Variants in GMDS observed in about 807,000 individuals in gnomAD.
GMDS encodes GDP-mannose 4,6-dehydratase.
GMDS carries 20 observed loss-of-function variants against 49.9 expected under a neutral mutation model. The ratio of observed to expected loss-of-function variants is 0.40; its 90% CI spans 0.28 to 0.58. The LOEUF is 0.58. Ranked by LOEUF, GMDS falls within the 20% of genes least tolerant of loss-of-function variation. The pLI, the probability that GMDS is intolerant of heterozygous loss-of-function variation, is 0.42. For missense variants in GMDS, 362 were observed against 481.4 expected, an observed-to-expected ratio of 0.75 and a Z score of 2.32; for synonymous variants, 177 against 178.6, an observed-to-expected ratio of 0.99 and a Z score of 0.07.
chr6:2,061,651 G>A (rs1055829810), intron 4 of GMDS, among the ~76,000 whole-genome samples: 16 of 149,160 alleles, frequency 1.1e-4, no homozygotes, highest in African/African-American at 1.7e-4. Context: ...CCTCGGAGAC[G>A]GAGGTTGCAG....
At chr6:1,897,584 A>G (rs1760267406) in intron 7 of GMDS, among the ~76,000 whole-genome samples, 1 of 152,184 alleles carries the variant, frequency 6.6e-6, no homozygotes, top group Non-Finnish European at 1.5e-5. Context: ...AATCTGAAGA[A>G]ACAAAGTTTG....
intron 6 of GMDS, among the ~76,000 whole-genome samples, chr6:1,943,096 C>T (rs1400531287): frequency 1.3e-5 from 2 of 152,322 alleles, no homozygotes; most frequent in East Asian, 1.9e-4. Context: ...TCACCGGCCC[C>T]GTCCCCAGCA....
intron 4 of GMDS, among the ~76,000 whole-genome samples, chr6:2,112,901 CCT>C (rs1208863162): frequency 6.6e-6 from 1 of 152,038 alleles, no homozygotes; most frequent in Non-Finnish European, 1.5e-5. Flanking sequence ...CTCATCCCAC[CCT>C]CTCACTATCA....
rs1434657503 is a variant in GMDS at position 2,191,878 on chromosome 6, G to A, written c.102+53443C>T. On this transcript the variant is annotated intron_variant, in intron 1 of 10. Coordinates refer to ENST00000380815, the MANE Select transcript of GMDS (RefSeq NM_001500.4). This position sits in a 1 kb window ranked among gnomAD's most constrained non-coding sequence, Gnocchi z 4.6. The stretch of plus-strand genomic sequence containing the variant: ...CCTTCAGGCCAGGGAGGGCATGAAG[G>A]CTGGGAGCCAGGCCACCAGTCCCAC... Among the ~76,000 whole-genome samples, 6 of 152,204 alleles carry A rather than the reference G, an allele frequency of 3.9e-5. No homozygotes were observed. Among genetic ancestry groups the A allele is most frequent in the Non-Finnish European group, 8.8e-5 (6 of 68,032 alleles).
At chr6:1,780,371 C>T (rs1769028785) in intron 7 of GMDS, among the ~76,000 whole-genome samples, 3 of 152,188 alleles carry the variant, frequency 2.0e-5, no homozygotes. Flanking sequence ...CTAGAAGACA[C>T]ACAGAATGTA....
At chr6:1,743,408 TG>T (rs1458172550) in intron 7 of GMDS, among the ~76,000 whole-genome samples, 1 of 150,174 alleles carries the variant, frequency 6.7e-6, no homozygotes. Context: ...CCGGGCGTGG[TG>T]GGGGGCGCCT....
At chr6:1,644,938 T>TA (rs1436915373) in intron 9 of GMDS, among the ~76,000 whole-genome samples, 3 of 151,732 alleles carry the variant, frequency 2.0e-5, no homozygotes, top group Admixed American at 6.6e-5. Context: ...TCCTTTTTTT[T>TA]TTTTTTTTTT....
At position 1,726,414 on chromosome 6, in the gene GMDS, AC is replaced by A. The variant is rs1327737762; in HGVS notation, c.987+1del. 6.2e-7 allele frequency: 1 copy of A among 1,605,160 alleles called. No individual in the cohort carries two copies. The highest frequency in any genetic ancestry group is 8.5e-7 in the Non-Finnish European group (1 of 1,171,818). On this transcript the variant is annotated splice_donor_variant, in intron 9 of 10. Transcript: ENST00000380815. LOFTEE classifies it high-confidence loss of function. ...CGCACTGGGTGGCCAGAGAGTCCTT[AC>A]CACTTCAGTTGGCCGGTAGTACTTG...
intron 9 of GMDS, among the ~76,000 whole-genome samples, chr6:1,652,455 T>A (rs1294471811): frequency 5.4e-4 from 5 of 9,188 alleles, no homozygotes; most frequent in Non-Finnish European, 1.0e-3. Flanking sequence ...TATATATTAT[T>A]TATATATAAT....
chr6:1,665,220 G>A (rs1028081842), intron 9 of GMDS, among the ~76,000 whole-genome samples: 1 of 152,130 alleles, frequency 6.6e-6, no homozygotes, highest in African/African-American at 2.4e-5. Context: ...TTAACATTAG[G>A]TATATCTCCT....
chr6:2,077,249 C>T (rs1022249121), intron 4 of GMDS, among the ~76,000 whole-genome samples: 2 of 152,010 alleles, frequency 1.3e-5, no homozygotes, highest in Non-Finnish European at 2.9e-5. Context: ...AGTCTGACTT[C>T]CTTTCTACCA....
chr6:2,223,549 C>T (rs1312940714), intron 1 of GMDS, among the ~76,000 whole-genome samples: 1 of 151,776 alleles, frequency 6.6e-6, no homozygotes, highest in African/African-American at 2.4e-5. Flanking sequence ...CTGATGTGGG[C>T]AAGGAAAGGA....
intron 7 of GMDS, among the ~76,000 whole-genome samples, chr6:1,894,338 A>G (rs1439179160): frequency 6.6e-6 from 1 of 152,208 alleles, no homozygotes; most frequent in Non-Finnish European, 1.5e-5. Context: ...TACTAGACGT[A>G]TATTTCATAT....
chr6:1,680,702 G>T (rs530682060), intron 9 of GMDS, among the ~76,000 whole-genome samples: 4 of 152,210 alleles, frequency 2.6e-5, no homozygotes, highest in African/African-American at 9.6e-5. Context: ...CACTTGAGCC[G>T]CCAGAGCCAC....
At position 1,778,233 on chromosome 6, in the gene GMDS, T is replaced by G. The variant is rs1455918461; in HGVS notation, c.772-35647A>C. ...CTGGGATGACTATTTATATGACAGG[T>G]AAGGGAATAACTTTGCTGGATTCTG... On this transcript the variant is annotated intron_variant, in intron 7 of 10. Transcript: ENST00000380815. This position sits in a 1 kb window ranked among gnomAD's most constrained non-coding sequence, Gnocchi z 4.6. 1.3e-5 allele frequency among the ~76,000 whole-genome samples: 2 copies of G among 152,050 alleles called. No homozygotes were observed. Among genetic ancestry groups the G allele is most frequent in the Non-Finnish European group, 2.9e-5 (2 of 68,006 alleles).
intron 7 of GMDS, among the ~76,000 whole-genome samples, chr6:1,925,148 T>C (rs1761930847): frequency 6.6e-6 from 1 of 152,212 alleles, no homozygotes; most frequent in Admixed American, 6.5e-5. Context: ...ACGCAGGTGT[T>C]TGAGGTAAAA....
At chr6:1,665,835 C>A (rs1261529336) in intron 9 of GMDS, among the ~76,000 whole-genome samples, 1 of 152,160 alleles carries the variant, frequency 6.6e-6, no homozygotes, top group Non-Finnish European at 1.5e-5. Flanking sequence ...TACAAGGAAG[C>A]CCGCTGTGTG....
At chr6:1,759,087 TA>T (rs1768064727) in intron 7 of GMDS, among the ~76,000 whole-genome samples, 1 of 152,152 alleles carries the variant, frequency 6.6e-6, no homozygotes, top group Non-Finnish European at 1.5e-5. Flanking sequence ...CACGCCCGGC[TA>T]ATTTTTTCAT....
chr6:2,143,612 T>C (rs1352942935), intron 1 of GMDS, among the ~76,000 whole-genome samples: 2 of 145,622 alleles, frequency 1.4e-5, no homozygotes, highest in Admixed American at 1.3e-4. Context: ...GTGGGGAAGC[T>C]GTGAATGGCT....
Sources: gnomAD v4.1 joint callset for allele counts (sites outside exome capture counted in the v4.1 genomes callset) on GRCh38, gnomAD v4.1.1 for gene constraint, Gnocchi (gnomAD v3.1) non-coding constraint, MANE v1.5 for transcripts, NCBI Gene and HGNC (gene_info 2026-07-23, HGNC 2026-07-21) for gene names.